COL23A1: variants seen among roughly 807,000 people sequenced by gnomAD.
COL23A1 encodes the protein collagen alpha-1(XXIII) chain.
COL23A1 carries 97 observed loss-of-function variants against 99.3 expected under a neutral mutation model. The observed-to-expected ratio is 0.98, with a 90% CI of 0.83 to 1.16. COL23A1 has a LOEUF of 1.16. Ranked by LOEUF, COL23A1 falls within the 50% of genes most tolerant of loss-of-function variation. COL23A1 has a pLI of 0.00. For missense variants in COL23A1, 762 were observed against 757.4 expected, an observed-to-expected ratio of 1.01 and a Z score of -0.07; for synonymous variants, 320 against 308.2, an observed-to-expected ratio of 1.04 and a Z score of -0.40.
intron 2 of COL23A1, among the ~76,000 whole-genome samples, chr5:178,470,100 G>A (rs1187822864): frequency 2.0e-5 from 3 of 152,206 alleles, no homozygotes; most frequent in African/African-American, 7.2e-5. Context: ...ACACTGAGAG[G>A]CTCAGCCTGC....
intron 2 of COL23A1, among the ~76,000 whole-genome samples, chr5:178,416,716 T>G (rs1223574423): frequency 1.3e-5 from 2 of 152,170 alleles, no homozygotes; most frequent in Admixed American, 6.5e-5. Flanking sequence ...ATTAAATAAC[T>G]TGTCCAAGGT....
intron 19 of COL23A1, 22 bp downstream of exon 19, chr5:178,249,095 G>C: frequency 6.2e-7 from 1 of 1,612,614 alleles, no homozygotes. Context: ...GGCGTAATGT[G>C]TGGCCCAACC....
At chr5:178,358,443 G>GTGTGTATA (rs1288250182) in intron 2 of COL23A1, among the ~76,000 whole-genome samples, 2 of 150,668 alleles carry the variant, frequency 1.3e-5, no homozygotes, top group South Asian at 4.2e-4. Context: ...ATGTGTGTAT[G>GTGTGTATA]TGTGTATATG....
chr5:178,455,716 T>C (rs898148802), intron 2 of COL23A1, among the ~76,000 whole-genome samples: 3 of 152,078 alleles, frequency 2.0e-5, no homozygotes, highest in Non-Finnish European at 2.9e-5. Flanking sequence ...AGCTGGCACC[T>C]ATCCCCTGCC....
chr5:178,343,651 T>TTATATA (rs142183875), intron 2 of COL23A1, among the ~76,000 whole-genome samples: 16 of 127,140 alleles, frequency 1.3e-4, no homozygotes, highest in African/African-American at 4.1e-4. Context: ...AATTTTTCCA[T>TTATATA]TATATATATA....
intron 11 of COL23A1, among the ~76,000 whole-genome samples, chr5:178,261,047 C>T (rs574821673): frequency 1.8e-4 from 28 of 151,558 alleles, no homozygotes; most frequent in South Asian, 4.2e-4. Flanking sequence ...ATGTCCACAG[C>T]GGGGGAGGGG....
intron 5 of COL23A1, among the ~76,000 whole-genome samples, chr5:178,273,737 C>T (rs1429777903): frequency 6.6e-6 from 1 of 152,208 alleles, no homozygotes; most frequent in Non-Finnish European, 1.5e-5. Flanking sequence ...GTCCCCAGGC[C>T]CCCGAGCTTT....
At chr5:178,576,957 G>A (rs1340523505) in intron 1 of COL23A1, among the ~76,000 whole-genome samples, 1 of 151,746 alleles carries the variant, frequency 6.6e-6, no homozygotes, top group Non-Finnish European at 1.5e-5. Context: ...TCCCCGCTGC[G>A]CCCCGGCCCC....
Position 178,249,174 on chromosome 5 carries a change from C to T in COL23A1, c.1092G>A (p.Glu364=). 8 of 1,614,198 alleles carry T rather than the reference C, an allele frequency of 5.0e-6. No individual in the cohort carries two copies. The highest frequency in any genetic ancestry group is 6.8e-6 in the Non-Finnish European group (8 of 1,179,980). The stretch of plus-strand genomic sequence containing the variant: ...CCCCTTTGAGTCCTGCTGGCCCAGG[C>T]TCTCCTGGGTCTCCTTTCTGTCCTT... ...GPKGQKGDPG[E]PGPAGLKGEA... Residue 364 remains glutamate, a synonymous_variant, in exon 19 of 29, where the codon GAG becomes GAA. Coordinates refer to ENST00000390654, the MANE Select transcript of COL23A1 (RefSeq NM_173465.4).
At chr5:178,569,660 C>T (rs943704246) in intron 1 of COL23A1, among the ~76,000 whole-genome samples, 2 of 152,172 alleles carry the variant, frequency 1.3e-5, no homozygotes, top group African/African-American at 4.8e-5. Flanking sequence ...CTCAGGTTCT[C>T]GAGGCTGAAA....
intron 2 of COL23A1, among the ~76,000 whole-genome samples, chr5:178,456,498 A>G (rs965272999): frequency 2.0e-5 from 3 of 152,222 alleles, no homozygotes; most frequent in Non-Finnish European, 4.4e-5. Context: ...CGGGAGTTCG[A>G]GACCAGCCTG....
intron 2 of COL23A1, among the ~76,000 whole-genome samples, chr5:178,469,498 A>G (rs963502391): frequency 6.6e-6 from 1 of 152,034 alleles, no homozygotes; most frequent in African/African-American, 2.4e-5. Context: ...CTGCAGGTGC[A>G]TCAGTTCCAA....
chr5:178,318,619 C>T (rs943863218), intron 2 of COL23A1, among the ~76,000 whole-genome samples: 3 of 152,154 alleles, frequency 2.0e-5, no homozygotes, highest in Non-Finnish European at 4.4e-5. Flanking sequence ...AAGGGGCTTT[C>T]GGCCGGGCGC....
chr5:178,342,010 C>T (rs1207933090), intron 2 of COL23A1, among the ~76,000 whole-genome samples: 1 of 152,188 alleles, frequency 6.6e-6, no homozygotes, highest in East Asian at 1.9e-4. Context: ...CCTGTGAAAC[C>T]CTCATTTACC....
At chr5:178,293,311 G>C (rs1002112270) in intron 3 of COL23A1, among the ~76,000 whole-genome samples, 1 of 152,016 alleles carries the variant, frequency 6.6e-6, no homozygotes, top group East Asian at 1.9e-4. Context: ...TGGCACAGAT[G>C]GGGGCCTGGA....
intron 2 of COL23A1, among the ~76,000 whole-genome samples, chr5:178,543,324 C>T (rs889161748): frequency 1.1e-4 from 16 of 152,112 alleles, no homozygotes; most frequent in African/African-American, 3.4e-4. Context: ...CCAGGCTGGT[C>T]GTCAACTCCC....
intron 2 of COL23A1, among the ~76,000 whole-genome samples, chr5:178,347,898 C>A (rs146308672): frequency 0.3 from 16,410 of 54,218 alleles, 1,126 homozygotes; most frequent in African/African-American, 0.41. Context: ...AAAAAAAAAA[C>A]CCAAAAAAAC....
chr5:178,338,645 C>A (rs939952833), intron 2 of COL23A1, among the ~76,000 whole-genome samples: 1 of 152,138 alleles, frequency 6.6e-6, no homozygotes, highest in African/African-American at 2.4e-5. Context: ...AGGTGTTGCT[C>A]CTGGGTCACT....
intron 5 of COL23A1, among the ~76,000 whole-genome samples, chr5:178,284,489 T>TG (rs1161958740): frequency 6.6e-6 from 1 of 152,234 alleles, no homozygotes; most frequent in African/African-American, 2.4e-5. Context: ...TACAGTCTCC[T>TG]GGAGGGCAAT....
Sources: allele counts gnomAD v4.1 joint callset (sites outside exome capture counted in the v4.1 genomes callset), GRCh38; gene constraint gnomAD v4.1.1; transcripts MANE v1.5; gene names NCBI Gene and HGNC (gene_info 2026-07-23, HGNC 2026-07-21).